The following TFEC variants were observed in gnomAD, a reference collection of about 807,000 sequenced individuals.
TFEC encodes class E basic helix-loop-helix protein 34.
Under a neutral mutation model 41.6 loss-of-function variants are expected in TFEC, and 31 were observed. That is an observed-to-expected ratio of 0.74 (90% confidence interval 0.56 to 1.01). The LOEUF (loss-of-function observed/expected upper bound fraction) is 1.01, where lower values mean the gene tolerates loss of function less well. Ranked by LOEUF, TFEC falls within the 50% of genes least tolerant of loss-of-function variation. The probability of loss-of-function intolerance (pLI) is 0.00; values close to 1 mark genes in which losing one functional copy is unlikely to be tolerated. For synonymous variants in TFEC, 143 were observed against 140.6 expected (o/e 1.02, Z -0.12); for missense variants, 402 against 404.1 (o/e 0.99, Z 0.04).
intron 1 of TFEC, among the ~76,000 whole-genome samples, chr7:116,125,619 A>T (rs1475902005): frequency 6.6e-6 from 1 of 152,188 alleles, no homozygotes; most frequent in African/African-American, 2.4e-5. Context: ...ACCGAGATAG[A>T]GTGGAAGGGA....
intron 3 of TFEC, among the ~76,000 whole-genome samples, chr7:116,051,719 G>T (rs188307642): frequency 5.2e-4 from 79 of 152,240 alleles, no homozygotes; most frequent in Admixed American, 2.7e-3. Flanking sequence ...GGAAAGAGTA[G>T]TATCAATAAT....
At chr7:116,067,147 T>A (rs1796712951) in intron 3 of TFEC, among the ~76,000 whole-genome samples, 1 of 151,980 alleles carries the variant, frequency 6.6e-6, no homozygotes, top group Non-Finnish European at 1.5e-5. Context: ...ATCCCTGAGA[T>A]AAACCCTCTA....
chr7:116,133,322 G>A (rs988462638), intron 1 of TFEC, among the ~76,000 whole-genome samples: 3 of 152,192 alleles, frequency 2.0e-5, no homozygotes, highest in African/African-American at 7.2e-5. Flanking sequence ...GGCCAAGGCA[G>A]GCAGATGACT....
chr7:115,987,594 A>T (rs997743152), intron 1 of TFEC, among the ~76,000 whole-genome samples: 7 of 152,180 alleles, frequency 4.6e-5, no homozygotes, highest in Non-Finnish European at 8.8e-5. Context: ...TCTGCCCTCA[A>T]ATAGTATACA....
intron 1 of TFEC, among the ~76,000 whole-genome samples, chr7:116,121,761 A>T (rs1353857185): frequency 3.9e-5 from 6 of 152,066 alleles, no homozygotes; most frequent in African/African-American, 1.4e-4. Flanking sequence ...CAGGGAAATA[A>T]GGTAAAAGAA....
intron 3 of TFEC, among the ~76,000 whole-genome samples, chr7:116,079,208 C>A (rs1437227919): frequency 6.6e-6 from 1 of 152,056 alleles, no homozygotes; most frequent in Non-Finnish European, 1.5e-5. Context: ...CTACTACAAA[C>A]CCATAGCCAA....
At chr7:116,143,083 C>A (rs1798573402) in intron 1 of TFEC, among the ~76,000 whole-genome samples, 1 of 152,130 alleles carries the variant, frequency 6.6e-6, no homozygotes, top group Non-Finnish European at 1.5e-5. Flanking sequence ...TTGAAGTTAT[C>A]TCCTTTAGAC....
chr7:115,987,570 A>G (rs1793914164), intron 1 of TFEC, among the ~76,000 whole-genome samples: 1 of 152,158 alleles, frequency 6.6e-6, no homozygotes, highest in Non-Finnish European at 1.5e-5. Context: ...GGTAGAAGGC[A>G]GATTAACACA....
At chr7:115,986,209 CAAT>C (rs1323864327) in intron 1 of TFEC, among the ~76,000 whole-genome samples, 34 of 152,198 alleles carry the variant, frequency 2.2e-4, no homozygotes, top group East Asian at 9.7e-4. Flanking sequence ...GCAACAACAA[CAAT>C]GATAATAATA....
At chr7:116,147,502 C>T (rs1289009597) in intron 1 of TFEC, among the ~76,000 whole-genome samples, 5 of 151,724 alleles carry the variant, frequency 3.3e-5, no homozygotes, top group African/African-American at 1.2e-4. Flanking sequence ...TGTGCTGCAC[C>T]CATTAACTCG....
chr7:116,084,145 C>G (rs559781881), intron 3 of TFEC, among the ~76,000 whole-genome samples: 2 of 151,890 alleles, frequency 1.3e-5, no homozygotes, highest in Non-Finnish European at 2.9e-5. Flanking sequence ...CTGACACTTT[C>G]CCCAACTGTG....
chr7:116,080,506 A>G (rs1387828484), intron 3 of TFEC, among the ~76,000 whole-genome samples: 1 of 152,038 alleles, frequency 6.6e-6, no homozygotes, highest in Admixed American at 6.6e-5. Context: ...ACAACAAAAA[A>G]CATTCCCATC....
At chr7:116,156,616 T>C (rs956142801) in intron 1 of TFEC, among the ~76,000 whole-genome samples, 1 of 152,198 alleles carries the variant, frequency 6.6e-6, no homozygotes, top group Non-Finnish European at 1.5e-5. Context: ...TTTTTGTGTG[T>C]GTGATTCTTT....
chr7:115,999,720 G>A (rs997955299), intron 1 of TFEC, among the ~76,000 whole-genome samples: 1 of 151,248 alleles, frequency 6.6e-6, no homozygotes, highest in Non-Finnish European at 1.5e-5. Context: ...CAATAAATTG[G>A]AAACATCTAG....
chr7:116,033,046 T>C (rs1055047766), upstream of TFEC, among the ~76,000 whole-genome samples: 9 of 151,964 alleles, frequency 5.9e-5, no homozygotes, highest in South Asian at 1.2e-3. Flanking sequence ...CTTTACCTGA[T>C]TGATGTTTAC....
At chr7:116,090,270 G>C (rs117839525) in intron 3 of TFEC, among the ~76,000 whole-genome samples, 1 of 151,958 alleles carries the variant, frequency 6.6e-6, no homozygotes, top group African/African-American at 2.4e-5. Flanking sequence ...GACTGATTGC[G>C]GGCCACCAAT....
chr7:115,987,415 T>C (rs1451709043), intron 1 of TFEC, among the ~76,000 whole-genome samples: 1 of 152,186 alleles, frequency 6.6e-6, no homozygotes, highest in Non-Finnish European at 1.5e-5. Flanking sequence ...CATAAAATTA[T>C]CTTGTGAATT....
intron 3 of TFEC, among the ~76,000 whole-genome samples, chr7:116,092,664 G>A (rs754448481): frequency 2.0e-5 from 3 of 152,092 alleles, no homozygotes; most frequent in Non-Finnish European, 4.4e-5. Context: ...ATGGTTAAAG[G>A]AGATGCTCAC....
chr7:116,050,333 C>T (rs1357525488), intron 3 of TFEC, among the ~76,000 whole-genome samples: 3 of 152,114 alleles, frequency 2.0e-5, no homozygotes, highest in African/African-American at 7.2e-5. Flanking sequence ...TACAAACTAC[C>T]ATCAGAGAAT....
Sources: gnomAD v4.1 joint callset for allele counts (sites outside exome capture counted in the v4.1 genomes callset) on GRCh38, gnomAD v4.1.1 for gene constraint, MANE v1.5 for transcripts, NCBI Gene and HGNC (gene_info 2026-07-23, HGNC 2026-07-21) for gene names.